SIL1: variants seen among roughly 807,000 people sequenced by gnomAD.
SIL1 encodes the protein SIL1 nucleotide exchange factor, also known as nucleotide exchange factor SIL1.
A neutral mutation model predicts 49.1 loss-of-function variants in SIL1; 40 were observed. That is an observed-to-expected ratio of 0.81 (90% CI 0.63 to 1.06). SIL1 has a LOEUF of 1.06. Among genes scored for constraint, SIL1 ranks in the 50% least tolerant of loss-of-function variants. The pLI, the probability that SIL1 is intolerant of heterozygous loss-of-function variation, is 0.00. For synonymous variants in SIL1, 253 were observed against 250.8 expected (o/e 1.01, Z -0.08); for missense variants, 500 against 572.6 (o/e 0.87, Z 1.29).
chr5:139,007,721 T>C (rs1321968661), intron 7 of SIL1, among the ~76,000 whole-genome samples: 1 of 138,354 alleles, frequency 7.2e-6, no homozygotes, highest in South Asian at 2.6e-4. Flanking sequence ...GAGATAATCA[T>C]GTGGTTTTTG....
intron 7 of SIL1, among the ~76,000 whole-genome samples, chr5:139,005,267 T>C (rs1768085996): frequency 6.6e-6 from 1 of 152,182 alleles, no homozygotes; most frequent in South Asian, 2.1e-4. Context: ...TTTTTTTTAA[T>C]TTAAAAGAAG....
chr5:138,954,255 T>G (rs1484460773), intron 7 of SIL1, among the ~76,000 whole-genome samples: 1 of 152,260 alleles, frequency 6.6e-6, no homozygotes, highest in African/African-American at 2.4e-5. Flanking sequence ...TTTTGTAAAT[T>G]GCTGAAATCA....
chr5:139,153,944 G>C (rs1022360428), intron 1 of SIL1, among the ~76,000 whole-genome samples: 12 of 152,114 alleles, frequency 7.9e-5, no homozygotes, highest in African/African-American at 2.2e-4. Flanking sequence ...CGAGTGTCCA[G>C]CCCAGACCCA....
At chr5:139,057,322 A>AAAAAAAAAAAAAAAAC (rs1769473679) in intron 3 of SIL1, among the ~76,000 whole-genome samples, 1 of 146,900 alleles carries the variant, frequency 6.8e-6, no homozygotes, top group Non-Finnish European at 1.5e-5. Context: ...AATAAAAAAA[A>AAAAAAAAAAAAAAAAC]AAAAAAGAAA....
intron 3 of SIL1, among the ~76,000 whole-genome samples, chr5:139,117,082 T>G (rs1407955894): frequency 6.6e-6 from 1 of 152,270 alleles, no homozygotes; most frequent in Non-Finnish European, 1.5e-5. Context: ...GGCCCTGGCC[T>G]TGCCATACCA....
intron 3 of SIL1, among the ~76,000 whole-genome samples, chr5:139,070,356 C>T (rs963226393): frequency 6.6e-6 from 1 of 151,866 alleles, no homozygotes; most frequent in Non-Finnish European, 1.5e-5. Flanking sequence ...AAATAAAAAC[C>T]CTGCCAGCCG....
chr5:139,114,504 C>A (rs1207319270), intron 3 of SIL1, among the ~76,000 whole-genome samples: 1 of 152,140 alleles, frequency 6.6e-6, no homozygotes, highest in Non-Finnish European at 1.5e-5. Flanking sequence ...TCCTTCCATC[C>A]CCCAAGTGGT....
At chr5:138,991,037 G>A (rs1386055129) in intron 7 of SIL1, among the ~76,000 whole-genome samples, 1 of 152,198 alleles carries the variant, frequency 6.6e-6, no homozygotes, top group Admixed American at 6.5e-5. Flanking sequence ...TTTTAAAACA[G>A]TCTTTATCCT....
intron 5 of SIL1, 48 bp from the exon 6 acceptor site, chr5:139,027,040 C>T (rs1455622247): frequency 6.3e-7 from 1 of 1,576,464 alleles, no homozygotes; most frequent in Non-Finnish European, 8.7e-7. Flanking sequence ...AGACATCTGC[C>T]CAAGATGTCT....
chr5:139,012,264 A>G (rs1392382395), intron 7 of SIL1: 1 of 152,348 alleles, frequency 6.6e-6, no homozygotes, highest in Non-Finnish European at 1.5e-5. Flanking sequence ...TATGTTGCCC[A>G]GGCTGGTCTT....
chr5:139,067,808 T>C (rs1334905246), intron 3 of SIL1, among the ~76,000 whole-genome samples: 1 of 152,238 alleles, frequency 6.6e-6, no homozygotes, highest in Non-Finnish European at 1.5e-5. Flanking sequence ...AAACTGTAAC[T>C]GTTCATTCCA....
intron 7 of SIL1, among the ~76,000 whole-genome samples, chr5:139,018,749 G>A (rs556770950): frequency 2.6e-5 from 4 of 152,306 alleles, no homozygotes; most frequent in Non-Finnish European, 5.9e-5. Flanking sequence ...GACACATCCT[G>A]ATGAGGGGGA....
In SIL1 at chr5:138,947,612, T is replaced by C. The variant is rs972255194; in HGVS notation, c.1030-139A>G. On this transcript the variant is annotated intron_variant, in intron 9 of 9. Transcript: ENST00000394817. This position sits in a 1 kb window ranked among gnomAD's most constrained non-coding sequence, Gnocchi z 4.1. ...TGACCCCTGAGGGCCCACCTCTTCC[T>C]CTATCCCCAAGTCTGTCTGTCTATT... 1 of 710,084 alleles carries C rather than the reference T, an allele frequency of 1.4e-6. No homozygotes were observed. The highest frequency in any genetic ancestry group is 1.7e-5 in the African/African-American group (1 of 57,714). The allele number at this position is 710,084 out of a possible 1,614,324, so 44.0% of individuals were successfully genotyped here. A position where few individuals can be genotyped will look rare whatever the true frequency, so the allele number is the denominator to read the frequency against.
intron 7 of SIL1, among the ~76,000 whole-genome samples, chr5:138,965,758 C>T (rs1767125796): frequency 1.4e-5 from 2 of 145,928 alleles, no homozygotes; most frequent in African/African-American, 2.6e-5. Flanking sequence ...TCTGGAGCCA[C>T]ACAGATTTGA....
At position 138,948,734 on chromosome 5, in the gene SIL1, T is replaced by C. The variant is rs1448786073; in HGVS notation, c.1030-1261A>G. 1.3e-5 allele frequency among the ~76,000 whole-genome samples: 2 copies of C among 152,130 alleles called. No individual in the cohort carries two copies. The highest frequency in any genetic ancestry group is 6.5e-5 in the Admixed American group (1 of 15,282). On this transcript the variant is annotated intron_variant, in intron 9 of 9. Coordinates refer to ENST00000394817, the MANE Select transcript of SIL1 (RefSeq NM_022464.5). This position sits in a 1 kb window ranked among gnomAD's most constrained non-coding sequence, Gnocchi z 4.8. Reference sequence around the variant, plus strand: ...TGCTTATATGCTGCTGTGGTTTGAGTGTGTTCCCTAAAAGTTCAAGTGTTG... The same window carrying C: ...TGCTTATATGCTGCTGTGGTTTGAGCGTGTTCCCTAAAAGTTCAAGTGTTG...
At chr5:139,040,727 G>A (rs1686673466) in intron 5 of SIL1, among the ~76,000 whole-genome samples, 1 of 151,904 alleles carries the variant, frequency 6.6e-6, no homozygotes. Flanking sequence ...TCAAACTCCT[G>A]ACCTCAGATG....
At chr5:139,161,352 G>A (rs987607078) in intron 1 of SIL1, among the ~76,000 whole-genome samples, 8 of 152,196 alleles carry the variant, frequency 5.3e-5, no homozygotes, top group African/African-American at 1.9e-4. Context: ...CTTCATTTGA[G>A]AGCCGTATAG....
At chr5:139,086,036 G>A (rs1177894093) in intron 3 of SIL1, among the ~76,000 whole-genome samples, 4 of 151,710 alleles carry the variant, frequency 2.6e-5, no homozygotes, top group African/African-American at 9.7e-5. Flanking sequence ...GCCAAGGCAG[G>A]AGGATGGCTT....
chr5:139,141,050 A>G (rs1751070200), intron 1 of SIL1, among the ~76,000 whole-genome samples: 1 of 152,132 alleles, frequency 6.6e-6, no homozygotes, highest in African/African-American at 2.4e-5. Flanking sequence ...AGGCAGCAAT[A>G]GGAACCAGAG....
Sources: gnomAD v4.1 joint callset for allele counts (sites outside exome capture counted in the v4.1 genomes callset) on GRCh38, gnomAD v4.1.1 for gene constraint, Gnocchi (gnomAD v3.1) non-coding constraint, MANE v1.5 for transcripts, NCBI Gene and HGNC (gene_info 2026-07-23, HGNC 2026-07-21) for gene names.